DST: variants seen among roughly 807,000 people sequenced by gnomAD.
The protein encoded by DST is bullous pemphigoid antigen.
Under a neutral mutation model 875.2 loss-of-function variants are expected in DST, and 253 were observed. The ratio of observed to expected loss-of-function variants is 0.29; its 90% CI spans 0.26 to 0.32. The LOEUF (loss-of-function observed/expected upper bound fraction) is 0.32. Among genes scored for constraint, DST ranks in the 10% least tolerant of loss-of-function variants. DST has a pLI of 1.00. For missense variants in DST, 8,287 were observed against 9,111.6 expected (o/e 0.91, Z 3.68); for synonymous variants, 3,124 against 3,197.1 (o/e 0.98, Z 0.77).
chr6:56,658,147 C>T (rs2099020021), intron 10 of DST, among the ~76,000 whole-genome samples: 1 of 152,186 alleles, frequency 6.6e-6, no homozygotes, highest in South Asian at 2.1e-4. Context: ...ACTGCAACCC[C>T]CGCCTCCTGG....
At chr6:56,897,530 C>T (rs979856966) in intron 3 of DST, among the ~76,000 whole-genome samples, 1 of 152,084 alleles carries the variant, frequency 6.6e-6, no homozygotes, top group Non-Finnish European at 1.5e-5. Context: ...GGGGTTTTGC[C>T]ATGTTGGCTA....
chr6:56,568,638 C>CA (rs1432238351), intron 54 of DST, 43 bp from the exon 55 acceptor site: 1 of 1,472,624 alleles, frequency 6.8e-7, no homozygotes, highest in East Asian at 2.4e-5. Flanking sequence ...TTAATATTTT[C>CA]AGAGTTGCAC....
chr6:56,682,504 C>G (rs2152844200), intron 9 of DST, among the ~76,000 whole-genome samples: 1 of 152,310 alleles, frequency 6.6e-6, no homozygotes, highest in African/African-American at 2.4e-5. Flanking sequence ...ACACACAACA[C>G]TGATACTTTA....
chr6:56,901,447 T>C (rs942059723), intron 2 of DST, among the ~76,000 whole-genome samples: 15 of 152,080 alleles, frequency 9.9e-5, no homozygotes, highest in Non-Finnish European at 2.9e-5. Flanking sequence ...AATCAAAAAT[T>C]AGCTGGTCAT....
rs377671734 is a variant in DST at position 56,605,827 on chromosome 6, A to C, written c.8801T>G (p.Phe2934Cys). 1.9e-6 allele frequency: 3 copies of C among 1,612,448 alleles called. No individual in the cohort carries two copies. The highest frequency in any genetic ancestry group is 1.7e-6 in the Non-Finnish European group (2 of 1,179,176). The change falls in exon 40 of 104, where the codon TTT becomes TGT. Residue 2934 changes from phenylalanine (F) to cysteine (C), a missense_variant. Phe to Cys is a radical substitution (Grantham distance 205, BLOSUM62 -2). Around this residue, in one of 10 missense-constraint regions of DST, gnomAD observed 3,138 missense variants for 3,116.6 expected, o/e 1.01. Coordinates refer to ENST00000680361, the MANE Select transcript of DST (RefSeq NM_001374736.1). ...ATCATGTGAAATACTTGCAGGGCCA[A>C]AAGTTTTTTCAGATTCAGTGTCTTT... Reference protein sequence around the residue: ...IIKDTESEKTFGPASISHDNN... With the variant: ...IIKDTESEKTCGPASISHDNN...
At chr6:56,887,954 T>C (rs1487944473) in intron 3 of DST, among the ~76,000 whole-genome samples, 1 of 130,214 alleles carries the variant, frequency 7.7e-6, no homozygotes, top group African/African-American at 3.5e-5. Flanking sequence ...AAATGAAATC[T>C]TTTTTTTTTT....
At chr6:56,727,575 T>C (rs1235814404) in intron 5 of DST, among the ~76,000 whole-genome samples, 1 of 152,240 alleles carries the variant, frequency 6.6e-6, no homozygotes, top group Non-Finnish European at 1.5e-5. Flanking sequence ...GGAATGCTGC[T>C]TGGCTTCTTT....
At chr6:56,640,741 A>C (rs931957065) in intron 17 of DST, 136 bp from the exon 18 acceptor site, 3 of 728,264 alleles carry the variant, frequency 4.1e-6, no homozygotes, top group Non-Finnish European at 7.2e-6. Flanking sequence ...AATGTGCCAC[A>C]CTAATGCAAG....
At chr6:56,851,688 C>T (rs751397535) in intron 3 of DST, 84 bp from the exon 4 acceptor site, 1 of 1,553,782 alleles carries the variant, frequency 6.4e-7, no homozygotes, top group Non-Finnish European at 8.7e-7. Context: ...CACCAACCAC[C>T]GCCGCCCTCC....
chr6:56,473,746 A>C (rs2095023622), intron 93 of DST, 127 bp downstream of exon 93: 4 of 866,834 alleles, frequency 4.6e-6, no homozygotes, highest in Non-Finnish European at 7.0e-6. Flanking sequence ...TTCCTTCTAG[A>C]AAGTATTTCA....
At chr6:56,624,448 T>A in intron 36 of DST, 82 bp downstream of exon 36, 1 of 881,194 alleles carries the variant, frequency 1.1e-6, no homozygotes, top group Non-Finnish European at 1.9e-6. Context: ...ATGAAACATG[T>A]TTTGCTTTCC....
In DST at chr6:56,555,709, C is replaced by T. The variant is rs1367030512; in HGVS notation, c.14772G>A (p.Val4924=). The T allele has an allele frequency of 6.2e-7, 1 of 1,610,662 alleles. No homozygotes were observed. The highest frequency in any genetic ancestry group is 8.5e-7 in the Non-Finnish European group (1 of 1,176,976). ...RGIVKEQLAA[V]TQKWDSLTGQ... ...CTGTTAGGCTATCCCATTTTTGGGT[C>T]ACAGCTGCCAGTTGCTCTTTCACAA... The change falls in exon 60 of 104, where the codon GTG becomes GTA. Residue 4924 remains valine (V), a synonymous_variant. Transcript: ENST00000680361.
At position 56,649,452 on chromosome 6, in the gene DST, G is replaced by T. The variant is rs116535065; in HGVS notation, c.1435-763C>A. Reference sequence around the variant, plus strand: ...TGAAATGTTGAAATAACTAAAACGGGTAGTACATGCTAGTTGAGATAAGAA... The same window carrying T: ...TGAAATGTTGAAATAACTAAAACGGTTAGTACATGCTAGTTGAGATAAGAA... On this transcript the variant is annotated intron_variant, in intron 12 of 103. Coordinates refer to ENST00000680361, the MANE Select transcript of DST (RefSeq NM_001374736.1). Among the ~76,000 whole-genome samples, 1,466 of 152,302 alleles carry T rather than the reference G, an allele frequency of 9.6e-3. 22 individuals are homozygous for T. Among genetic ancestry groups the T allele is most frequent in the African/African-American group, 0.033 (1,375 of 41,552 alleles).
chr6:56,954,058 C>T (rs1823898783), intron 1 of DST, among the ~76,000 whole-genome samples: 2 of 152,238 alleles, frequency 1.3e-5, no homozygotes, highest in African/African-American at 4.8e-5. Context: ...GTTTCCATGC[C>T]TTACTTTCTT....
chr6:56,851,227 G>T, intron 4 of DST, 170 bp downstream of exon 4: 1 of 652,722 alleles, frequency 1.5e-6, no homozygotes, highest in Non-Finnish European at 2.6e-6. Flanking sequence ...AGGGCAAATG[G>T]CTCTATCGGT....
chr6:56,751,566 C>G (rs774782045), intron 4 of DST, among the ~76,000 whole-genome samples: 6 of 152,022 alleles, frequency 3.9e-5, no homozygotes, highest in Non-Finnish European at 7.4e-5. Flanking sequence ...CTTGAACATA[C>G]AGGGTTAAAG....
chr6:56,655,468 T>A (rs978860923), intron 10 of DST, among the ~76,000 whole-genome samples: 12 of 152,182 alleles, frequency 7.9e-5, no homozygotes, highest in African/African-American at 2.7e-4. Flanking sequence ...AAATCGGGAT[T>A]TTTTTAAGGA....
intron 5 of DST, among the ~76,000 whole-genome samples, chr6:56,730,183 A>G (rs2099491688): frequency 6.6e-6 from 1 of 152,188 alleles, no homozygotes; most frequent in Non-Finnish European, 1.5e-5. Context: ...ACCACATTAT[A>G]TAGACTTCTC....
chr6:56,688,574 A>T (rs895053591), intron 9 of DST, among the ~76,000 whole-genome samples: 6 of 152,150 alleles, frequency 3.9e-5, no homozygotes, highest in Non-Finnish European at 7.3e-5. Context: ...CGGCTTCTTT[A>T]CTTTAGGCCA....
Sources: allele counts gnomAD v4.1 joint callset (sites outside exome capture counted in the v4.1 genomes callset), GRCh38; gene constraint gnomAD v4.1.1; regional missense constraint gnomAD v4.1.1; transcripts MANE v1.5; gene names NCBI Gene and HGNC (gene_info 2026-07-23, HGNC 2026-07-21).